The following RGS20 variants were observed in gnomAD, a reference collection of about 807,000 sequenced individuals.
The protein encoded by RGS20 is gz-selective GTPase-activating protein.
A neutral mutation model predicts 33.6 loss-of-function variants in RGS20; 30 were observed. That is an observed-to-expected ratio of 0.89 (90% confidence interval 0.67 to 1.21). The LOEUF (loss-of-function observed/expected upper bound fraction) is 1.21, where lower values mean the gene tolerates loss of function less well. Among genes scored for constraint, RGS20 ranks in the 50% most tolerant of loss-of-function variants. RGS20 has a pLI of 0.00. For missense variants in RGS20, 472 were observed against 502.4 expected (o/e 0.94, Z 0.58); for synonymous variants, 208 against 197.9 (o/e 1.05, Z -0.43).
At chr8:53,917,063 C>G (rs761403665) in intron 2 of RGS20, among the ~76,000 whole-genome samples, 1 of 152,188 alleles carries the variant, frequency 6.6e-6, no homozygotes, top group African/African-American at 2.4e-5. Context: ...AACATTCAGT[C>G]TGTAGCACTG....
intron 2 of RGS20, among the ~76,000 whole-genome samples, chr8:53,895,091 C>T (rs1812818190): frequency 6.6e-6 from 1 of 151,970 alleles, no homozygotes; most frequent in South Asian, 2.1e-4. Flanking sequence ...GGCCGCCAGC[C>T]TAGGAGAAGT....
intron 2 of RGS20, among the ~76,000 whole-genome samples, chr8:53,911,661 G>A (rs1813350250): frequency 6.6e-6 from 1 of 152,172 alleles, no homozygotes; most frequent in Admixed American, 6.5e-5. Flanking sequence ...GGCCAGGCAC[G>A]GTGGCTCATT....
intron 1 of RGS20, among the ~76,000 whole-genome samples, chr8:53,865,421 A>G (rs1326831579): frequency 6.6e-6 from 1 of 152,262 alleles, no homozygotes; most frequent in Non-Finnish European, 1.5e-5. Context: ...AACCACATCT[A>G]TCAAAAAACA....
intron 1 of RGS20, among the ~76,000 whole-genome samples, chr8:53,858,677 T>A (rs1490938366): frequency 1.3e-5 from 2 of 151,884 alleles, no homozygotes; most frequent in African/African-American, 4.8e-5. Flanking sequence ...AAAAGGGCGA[T>A]GGCACATGAT....
intron 1 of RGS20, among the ~76,000 whole-genome samples, chr8:53,855,560 T>C (rs1338265353): frequency 6.6e-6 from 1 of 152,138 alleles, no homozygotes; most frequent in Non-Finnish European, 1.5e-5. Flanking sequence ...GTGCTAAAAT[T>C]GCATGAAACT....
At chr8:53,911,936 G>T (rs1268245089) in intron 2 of RGS20, among the ~76,000 whole-genome samples, 1 of 152,052 alleles carries the variant, frequency 6.6e-6, no homozygotes, top group East Asian at 1.9e-4. Context: ...GTGAGATTCT[G>T]TGTCAAAAAA....
intron 2 of RGS20, among the ~76,000 whole-genome samples, chr8:53,908,338 C>T (rs1813240987): frequency 6.6e-6 from 1 of 152,098 alleles, no homozygotes; most frequent in Admixed American, 6.6e-5. Context: ...TGCCGAGCTA[C>T]TAAAACTTAT....
chr8:53,882,909 C>T (rs1812436063), intron 2 of RGS20, among the ~76,000 whole-genome samples: 2 of 152,128 alleles, frequency 1.3e-5, no homozygotes, highest in Non-Finnish European at 2.9e-5. Context: ...CGTGGCTTGG[C>T]TTCATTTCAT....
chr8:53,953,742 G>A (rs1291402415), intron 4 of RGS20, among the ~76,000 whole-genome samples: 1 of 152,166 alleles, frequency 6.6e-6, no homozygotes, highest in Non-Finnish European at 1.5e-5. Flanking sequence ...GAAGTTTTGG[G>A]TCAGATGGTT....
intron 5 of RGS20, among the ~76,000 whole-genome samples, chr8:53,954,673 AAAC>A (rs1324452997): frequency 2.0e-5 from 3 of 148,690 alleles, no homozygotes; most frequent in Admixed American, 6.7e-5. Flanking sequence ...TCAAAAAACT[AAAC>A]AAAAGTAATT....
intron 2 of RGS20, among the ~76,000 whole-genome samples, chr8:53,905,629 C>T (rs1813143587): frequency 6.6e-6 from 1 of 152,178 alleles, no homozygotes; most frequent in Non-Finnish European, 1.5e-5. Flanking sequence ...CTGTTTGTGA[C>T]TTCAGCAGCA....
chr8:53,869,000 A>C (rs56809100), intron 1 of RGS20, among the ~76,000 whole-genome samples: 1 of 152,092 alleles, frequency 6.6e-6, no homozygotes, highest in Admixed American at 6.5e-5. Flanking sequence ...TGATCTGCCC[A>C]CCTCAGCCTC....
intron 2 of RGS20, among the ~76,000 whole-genome samples, chr8:53,885,438 C>T (rs1242092700): frequency 2.0e-5 from 3 of 152,128 alleles, no homozygotes; most frequent in African/African-American, 7.2e-5. Flanking sequence ...GCGGTGAAAC[C>T]CCGTCTCTAC....
At chr8:53,891,113 C>T (rs1812698615) in intron 2 of RGS20, among the ~76,000 whole-genome samples, 1 of 152,150 alleles carries the variant, frequency 6.6e-6, no homozygotes, top group Non-Finnish European at 1.5e-5. Context: ...TGTTCTGCCA[C>T]ATGAGAAAAG....
chr8:53,936,638 T>C (rs1436922785), intron 2 of RGS20, among the ~76,000 whole-genome samples: 1 of 152,106 alleles, frequency 6.6e-6, no homozygotes, highest in African/African-American at 2.4e-5. Flanking sequence ...TGCTCATGGA[T>C]AGGAAGAATC....
intron 1 of RGS20, among the ~76,000 whole-genome samples, chr8:53,864,022 C>A (rs1002990944): frequency 6.6e-6 from 1 of 152,054 alleles, no homozygotes; most frequent in Non-Finnish European, 1.5e-5. Context: ...ATTTTATCTT[C>A]TATAAAATCA....
chr8:53,916,839 G>C (rs1813497524), intron 2 of RGS20, among the ~76,000 whole-genome samples: 1 of 152,122 alleles, frequency 6.6e-6, no homozygotes, highest in African/African-American at 2.4e-5. Context: ...TGTCTGGTGA[G>C]GGCTGCTTCC....
intron 2 of RGS20, among the ~76,000 whole-genome samples, chr8:53,917,165 G>C (rs1404866292): frequency 6.7e-6 from 1 of 149,194 alleles, no homozygotes; most frequent in Non-Finnish European, 1.5e-5. Context: ...TTTTGTTTTT[G>C]AGATGGAATT....
chr8:53,952,535 G>A (rs755300195), intron 4 of RGS20, among the ~76,000 whole-genome samples: 1 of 151,754 alleles, frequency 6.6e-6, no homozygotes, highest in Non-Finnish European at 1.5e-5. Flanking sequence ...AGACAGCCTG[G>A]CCAACATGGT....
Sources: gnomAD v4.1 joint callset for allele counts (sites outside exome capture counted in the v4.1 genomes callset) on GRCh38, gnomAD v4.1.1 for gene constraint, MANE v1.5 for transcripts, NCBI Gene and HGNC (gene_info 2026-07-23, HGNC 2026-07-21) for gene names.